ASAP1: variants seen among roughly 807,000 people sequenced by gnomAD.
ASAP1 encodes ArfGAP with SH3 domain, ankyrin repeat and PH domain 1.
ASAP1 carries 43 observed loss-of-function variants against 145.2 expected under a neutral mutation model. The observed-to-expected ratio is 0.30, with a 90% CI of 0.23 to 0.38. ASAP1 has a LOEUF of 0.38. ASAP1 is among the 10% of genes least tolerant of loss of function. The pLI, the probability that ASAP1 is intolerant of heterozygous loss-of-function variation, is 1.00. For synonymous variants in ASAP1, 546 were observed against 515.5 expected, an observed-to-expected ratio of 1.06 and a Z score of -0.80; for missense variants, 1,018 against 1,355.3, an observed-to-expected ratio of 0.75 and a Z score of 3.91.
At chr8:130,215,367 G>A (rs774584548) in intron 4 of ASAP1, among the ~76,000 whole-genome samples, 1 of 152,102 alleles carries the variant, frequency 6.6e-6, no homozygotes, top group Non-Finnish European at 1.5e-5. Flanking sequence ...GGAGGCTAAC[G>A]TAGGCAGGTC....
rs5895032 is a variant in ASAP1, at chr8:130,052,735, GTTTTTTT to G, written c.*1989_*1995del. On this transcript the variant is annotated 3_prime_UTR_variant, in exon 30 of 30. Coordinates refer to ENST00000518721, the MANE Select transcript of ASAP1 (RefSeq NM_018482.4). ...GCTTTTGTGTTTTTTTTTTGTTTTT[GTTTTTTT>G]TTTTTTTTTGAAAAAAACCAGTTTA... is the stretch of plus-strand genomic sequence containing the variant. 148 of 122,114 alleles carry G rather than the reference GTTTTTTT, an allele frequency of 1.2e-3. No individual in the cohort carries two copies. Among genetic ancestry groups the G allele is most frequent in the African/African-American group, 3.9e-3 (125 of 32,464 alleles). 7.6% of individuals were successfully genotyped at this position (122,114 alleles called of 1,614,324 possible). A position where few individuals can be genotyped will look rare whatever the true frequency, so the allele number is the denominator to read the frequency against.
chr8:130,284,890 A>ACT (rs1821509572), intron 3 of ASAP1, among the ~76,000 whole-genome samples: 1 of 101,880 alleles, frequency 9.8e-6, no homozygotes, highest in Non-Finnish European at 2.4e-5. Context: ...CCATACTGAG[A>ACT]GAGAGAGAGA....
intron 1 of ASAP1, among the ~76,000 whole-genome samples, chr8:130,429,356 T>C (rs1297408813): frequency 9.2e-5 from 14 of 152,238 alleles, no homozygotes; most frequent in Admixed American, 9.2e-4. Context: ...CCTAGTTCCA[T>C]GTGCCAGGCA....
chr8:130,348,427 C>T (rs1440564096), intron 3 of ASAP1, among the ~76,000 whole-genome samples: 1 of 152,166 alleles, frequency 6.6e-6, no homozygotes, highest in Non-Finnish European at 1.5e-5. Context: ...GACACATATT[C>T]CAGTTCTTTG....
At chr8:130,259,588 T>C (rs757085201) in intron 3 of ASAP1, among the ~76,000 whole-genome samples, 42 of 152,164 alleles carry the variant, frequency 2.8e-4, no homozygotes, top group Admixed American at 2.6e-3. Context: ...TCAAGTAAAA[T>C]TGGCATAAAT....
At chr8:130,103,506 T>A (rs2097532232) in intron 24 of ASAP1, among the ~76,000 whole-genome samples, 1 of 151,016 alleles carries the variant, frequency 6.6e-6, no homozygotes, top group African/African-American at 2.4e-5. Flanking sequence ...ACATTTTTAT[T>A]TTTTTATTTT....
rs370251675 is a variant in ASAP1, at chr8:130,116,719, C to A, written c.2023G>T (p.Asp675Tyr). ...GTAGCTTTTAGTCTCTTTGCTATGT[C>A]TAGGGCAGTTTCTCCAGCCTGGTTA... ...IVNQAGETAL[D>Y]IAKRLKATQC... Residue 675 changes from aspartate (D) to tyrosine (Y), a missense_variant, in exon 22 of 30, where the codon GAC (aspartate) becomes TAC (tyrosine). Asp to Tyr is a radical substitution (Grantham distance 160). Transcript: ENST00000518721. 35 of 1,614,102 alleles carry A rather than the reference C, an allele frequency of 2.2e-5. No homozygotes were observed. The highest frequency in any genetic ancestry group is 3.0e-5 in the Non-Finnish European group (35 of 1,179,988).
intron 1 of ASAP1, among the ~76,000 whole-genome samples, chr8:130,407,093 T>C (rs1307101654): frequency 6.6e-6 from 1 of 152,116 alleles, no homozygotes; most frequent in Non-Finnish European, 1.5e-5. Flanking sequence ...AAGCAAAAAA[T>C]GGTTGGCTCC....
chr8:130,411,405 T>C (rs955596329), intron 1 of ASAP1, among the ~76,000 whole-genome samples: 13 of 152,202 alleles, frequency 8.5e-5, no homozygotes, highest in African/African-American at 3.1e-4. Context: ...CCCAGCTCCT[T>C]GCCCCTTGGT....
At chr8:130,413,988 C>T (rs544120918) in intron 1 of ASAP1, among the ~76,000 whole-genome samples, 42 of 152,294 alleles carry the variant, frequency 2.8e-4, no homozygotes, top group Non-Finnish European at 5.9e-4. Flanking sequence ...TGCTGTAAGG[C>T]AGACAGGTGA....
intron 9 of ASAP1, among the ~76,000 whole-genome samples, chr8:130,176,284 C>T (rs948075717): frequency 2.0e-5 from 3 of 152,000 alleles, no homozygotes; most frequent in Non-Finnish European, 4.4e-5. Context: ...AAAAACAAAA[C>T]AAAACAAAAA....
chr8:130,081,906 C>T (rs2097481407), intron 25 of ASAP1, among the ~76,000 whole-genome samples: 1 of 152,200 alleles, frequency 6.6e-6, no homozygotes, highest in East Asian at 1.9e-4. Context: ...AGTAATTATG[C>T]TTATGAGATA....
chr8:130,410,962 G>A (rs1299666511), intron 1 of ASAP1, among the ~76,000 whole-genome samples: 1 of 152,206 alleles, frequency 6.6e-6, no homozygotes. Context: ...CCGGGTTCAA[G>A]CAATTCTCCT....
chr8:130,369,388 T>C (rs1827108852), intron 2 of ASAP1, among the ~76,000 whole-genome samples: 2 of 152,216 alleles, frequency 1.3e-5, no homozygotes, highest in African/African-American at 4.8e-5. Context: ...AAAGCAAAAG[T>C]GTCAGCATCT....
intron 27 of ASAP1, among the ~76,000 whole-genome samples, chr8:130,067,717 A>T (rs1180281967): frequency 6.6e-6 from 1 of 152,182 alleles, no homozygotes; most frequent in South Asian, 2.1e-4. Context: ...CTTTAATCCC[A>T]TTAAGAACCC....
chr8:130,276,760 T>TCTCTCTCTCTCTCTCTCTCTCTCTCC (rs1333515760), intron 3 of ASAP1, among the ~76,000 whole-genome samples: 22 of 130,370 alleles, frequency 1.7e-4, no homozygotes, highest in South Asian at 1.2e-3. Context: ...TCTCTCTCTC[T>TCTCTCTCTCTCTCTCTCTCTCTCTCC]CCTCTAACAA....
chr8:130,118,867 T>TAG (rs2097560800), intron 18 of ASAP1, 192 bp from the exon 19 acceptor site: 1 of 344,480 alleles, frequency 2.9e-6, no homozygotes. Flanking sequence ...TGTTTACTAA[T>TAG]ATATACAAGT....
rs545451988 is a variant in ASAP1, at chr8:130,386,747, C to T, written c.59+15138G>A. 91 of 152,310 alleles carry T rather than the reference C, an allele frequency of 6.0e-4. 1 individual carries two copies. Among genetic ancestry groups the T allele is most frequent in the African/African-American group, 2.1e-3 (88 of 41,560 alleles). The allele number at this position is 152,310 out of a possible 1,614,324, so 9.4% of individuals were successfully genotyped here. The stretch of plus-strand genomic sequence containing the variant: ...GATGAAAAGGCAGGAGCGATGAAGA[C>T]TTAGGGAGCTCACTGCAGCCAGTCG... On this transcript the variant is annotated intron_variant, in intron 2 of 29. Coordinates refer to ENST00000518721, the MANE Select transcript of ASAP1 (RefSeq NM_018482.4).
intron 27 of ASAP1, among the ~76,000 whole-genome samples, chr8:130,063,548 G>C (rs1428548356): frequency 6.6e-6 from 1 of 152,188 alleles, no homozygotes; most frequent in Non-Finnish European, 1.5e-5. Context: ...CTCTGGGCAG[G>C]AGAGAGATGG....
Sources: gnomAD v4.1 joint callset for allele counts (sites outside exome capture counted in the v4.1 genomes callset) on GRCh38, gnomAD v4.1.1 for gene constraint, MANE v1.5 for transcripts, NCBI Gene and HGNC (gene_info 2026-07-23, HGNC 2026-07-21) for gene names.